The following PLEKHA5 variants were observed in gnomAD, a reference collection of about 807,000 sequenced individuals.
PLEKHA5 encodes the protein pleckstrin homology domain-containing family A member 5.
PLEKHA5 carries 55 observed loss-of-function variants against 181.9 expected under a neutral mutation model. The observed-to-expected ratio is 0.30, with a 90% CI of 0.24 to 0.38. The LOEUF is 0.38. PLEKHA5 is among the 10% of genes least tolerant of loss of function. PLEKHA5 has a pLI of 1.00. For missense variants in PLEKHA5, 1,432 were observed against 1,549.5 expected, an observed-to-expected ratio of 0.92 and a Z score of 1.27; for synonymous variants, 535 against 529.4, an observed-to-expected ratio of 1.01 and a Z score of -0.15.
At chr12:19,338,835 G>A (rs1338771602) in intron 21 of PLEKHA5, among the ~76,000 whole-genome samples, 1 of 147,066 alleles carries the variant, frequency 6.8e-6, no homozygotes, top group Non-Finnish European at 1.5e-5. Context: ...AGTGATCGGA[G>A]ATCACACCAT....
intron 3 of PLEKHA5, among the ~76,000 whole-genome samples, chr12:19,172,850 C>T (rs945341463): frequency 2.0e-5 from 3 of 151,900 alleles, no homozygotes; most frequent in Non-Finnish European, 4.4e-5. Flanking sequence ...GTATTTATTG[C>T]TCCACCATAT....
chr12:19,180,356 C>A (rs929958122), intron 3 of PLEKHA5, among the ~76,000 whole-genome samples: 1 of 152,092 alleles, frequency 6.6e-6, no homozygotes, highest in Admixed American at 6.5e-5. Flanking sequence ...CAGCAGAAAA[C>A]CCCTCTATTT....
chr12:19,331,150 T>C (rs1167251513), intron 20 of PLEKHA5, among the ~76,000 whole-genome samples: 1 of 152,180 alleles, frequency 6.6e-6, no homozygotes, highest in Non-Finnish European at 1.5e-5. Flanking sequence ...TTTTAAACTA[T>C]AGCCACCTGT....
At chr12:19,197,754 C>T (rs113440897) in intron 3 of PLEKHA5, among the ~76,000 whole-genome samples, 7 of 148,518 alleles carry the variant, frequency 4.7e-5, no homozygotes, top group African/African-American at 1.5e-4. Flanking sequence ...TCGTTCACTT[C>T]CAAGGCTCTT....
chr12:19,308,788 T>G (rs1385511790), intron 15 of PLEKHA5, among the ~76,000 whole-genome samples: 3 of 152,130 alleles, frequency 2.0e-5, no homozygotes, highest in Non-Finnish European at 4.4e-5. Context: ...GGCTCACCCC[T>G]GTAATTTTAG....
intron 15 of PLEKHA5, among the ~76,000 whole-genome samples, chr12:19,295,171 A>G (rs1018582877): frequency 6.6e-6 from 1 of 152,198 alleles, no homozygotes; most frequent in Non-Finnish European, 1.5e-5. Context: ...TCCATGCTCT[A>G]TGTAGAGAAT....
intron 20 of PLEKHA5, among the ~76,000 whole-genome samples, chr12:19,332,583 A>G (rs2092954694): frequency 6.6e-6 from 1 of 152,144 alleles, no homozygotes; most frequent in Non-Finnish European, 1.5e-5. Flanking sequence ...TCCAACTCTT[A>G]GCCTCAAGTG....
At chr12:19,167,012 G>C (rs1187925750) in intron 3 of PLEKHA5, among the ~76,000 whole-genome samples, 3 of 152,120 alleles carry the variant, frequency 2.0e-5, no homozygotes, top group Non-Finnish European at 4.4e-5. Context: ...ACTACTCCCT[G>C]TAGACTTAAC....
Position 19,369,752 on chromosome 12 carries a change from C to G in PLEKHA5, c.3814C>G (p.Gln1272Glu). Residue 1272 changes from glutamine to glutamate, a missense_variant, in exon 31 of 32, where the codon CAG becomes GAG. Gln to Glu is a conservative substitution (Grantham distance 29). Coordinates refer to ENST00000429027, the MANE Select transcript of PLEKHA5 (RefSeq NM_001256470.2). ...SASPVPSTQP[Q>E]LTEGSHFMCV ...ATCGCCAGTTCCATCCACTCAGCCG[C>G]AGCTCACAGAAGGATCACATTTCAT... is the stretch of plus-strand genomic sequence containing the variant. 6.2e-7 allele frequency: 1 copy of G among 1,613,116 alleles called. No homozygotes were observed. The highest frequency in any genetic ancestry group is 8.5e-7 in the Non-Finnish European group (1 of 1,179,260).
At chr12:19,308,172 G>A (rs888996712) in intron 15 of PLEKHA5, among the ~76,000 whole-genome samples, 1 of 139,894 alleles carries the variant, frequency 7.1e-6, no homozygotes, top group African/African-American at 2.6e-5. Context: ...AAGGGAACTG[G>A]TGATTCACTA....
intron 3 of PLEKHA5, among the ~76,000 whole-genome samples, chr12:19,240,591 C>T (rs773035169): frequency 6.6e-6 from 1 of 150,608 alleles, no homozygotes; most frequent in Non-Finnish European, 1.5e-5. Context: ...CAGGGATGCA[C>T]CACCTCACCT....
intron 20 of PLEKHA5, among the ~76,000 whole-genome samples, chr12:19,335,518 C>T (rs1332010267): frequency 3.3e-5 from 5 of 150,042 alleles, no homozygotes; most frequent in South Asian, 2.1e-4. Context: ...CAGGTTCAAG[C>T]GATTCTCCTG....
intron 13 of PLEKHA5, 140 bp from the exon 14 acceptor site, chr12:19,290,537 A>G: frequency 1.7e-6 from 1 of 596,332 alleles, no homozygotes; most frequent in Non-Finnish European, 2.8e-6. Flanking sequence ...TGTAGGACCT[A>G]TCATCATAGT....
chr12:19,296,304 T>G (rs996407270), intron 15 of PLEKHA5, among the ~76,000 whole-genome samples: 9 of 151,650 alleles, frequency 5.9e-5, no homozygotes, highest in African/African-American at 2.2e-4. Flanking sequence ...CCCAAGACTT[T>G]GGGAGGCCAA....
At chr12:19,172,832 T>A (rs1266675886) in intron 3 of PLEKHA5, among the ~76,000 whole-genome samples, 2 of 152,084 alleles carry the variant, frequency 1.3e-5, no homozygotes, top group Admixed American at 6.5e-5. Context: ...CAGAATTTCA[T>A]GAACACTGTA....
rs758295653 is a variant in PLEKHA5, at chr12:19,255,155, C to T, written c.422C>T (p.Pro141Leu). The change falls in exon 5 of 32, where the codon CCT (proline) becomes CTT (leucine). Residue 141 changes from proline to leucine, a missense_variant. Physicochemically the swap from Pro to Leu is moderately conservative, Grantham distance 98. This residue lies in a region of PLEKHA5 where 289 missense variants were observed against 381.1 expected (regional missense o/e 0.76). Transcript: ENST00000429027. ...TSDYAVHPMS[P>L]VGRTSRASKK... ...GATTATGCAGTGCATCCAATGAGCCCTGTAGGCAGAGTAAGTTATTTTGCT... is the reference window on the plus strand; with the variant it reads ...GATTATGCAGTGCATCCAATGAGCCTTGTAGGCAGAGTAAGTTATTTTGCT... The T allele has an allele frequency of 6.3e-7, 1 of 1,584,814 alleles. No homozygotes were observed. Among genetic ancestry groups the T allele is most frequent in the Admixed American group, 1.7e-5 (1 of 58,930 alleles).
chr12:19,167,329 C>G (rs1379445470), intron 3 of PLEKHA5, among the ~76,000 whole-genome samples: 1 of 151,272 alleles, frequency 6.6e-6, no homozygotes, highest in East Asian at 1.9e-4. Context: ...ATTTAGGAAC[C>G]TATGCAGGAA....
intron 3 of PLEKHA5, among the ~76,000 whole-genome samples, chr12:19,246,348 G>T (rs1420205602): frequency 6.6e-6 from 1 of 151,656 alleles, no homozygotes; most frequent in African/African-American, 2.4e-5. Flanking sequence ...TTTAAGGCTG[G>T]GTGCGGTGGC....
At chr12:19,284,026 C>T (rs995411558) in intron 12 of PLEKHA5, among the ~76,000 whole-genome samples, 36 of 152,104 alleles carry the variant, frequency 2.4e-4, no homozygotes, top group African/African-American at 7.7e-4. Flanking sequence ...ATCAGTTCTC[C>T]GTGTAGCTTA....
Sources: gnomAD v4.1 joint callset for allele counts (sites outside exome capture counted in the v4.1 genomes callset) on GRCh38, gnomAD v4.1.1 for gene constraint, gnomAD v4.1.1 regional missense constraint, MANE v1.5 for transcripts, NCBI Gene and HGNC (gene_info 2026-07-23, HGNC 2026-07-21) for gene names.